Variants in SDSL observed in about 807,000 individuals in gnomAD.
SDSL encodes the protein serine dehydratase-like.
SDSL carries 26 observed loss-of-function variants against 27.6 expected under a neutral mutation model. The ratio of observed to expected loss-of-function variants is 0.94; its 90% CI spans 0.69 to 1.31. The LOEUF is 1.31. SDSL is among the 50% of genes most tolerant of loss of function. The pLI is 0.00. For missense variants in SDSL, 431 were observed against 423.5 expected, an observed-to-expected ratio of 1.02 and a Z score of -0.16; for synonymous variants, 196 against 180.6, an observed-to-expected ratio of 1.09 and a Z score of -0.69.
intron 2 of SDSL, 43 bp from the exon 3 acceptor site, chr12:113,428,377 A>C: frequency 6.3e-7 from 1 of 1,592,774 alleles, no homozygotes; most frequent in Non-Finnish European, 8.5e-7. Context: ...CCTTCATGAC[A>C]CCTGCTTGGG....
rs1469594669 is a variant in SDSL at position 113,426,913 on chromosome 12, T to C, written c.-21-1049T>C. Among the ~76,000 whole-genome samples, 3 of 152,090 alleles carry C rather than the reference T, an allele frequency of 2.0e-5. No individual in the cohort carries two copies. The East Asian group carries it at 5.8e-4, about 29-fold the overall frequency. On this transcript the variant is annotated intron_variant, in intron 1 of 7. Transcript: ENST00000403593. ...GTGATTACAGTACTGCACTCCAGCC[T>C]GGGTGACAGAGTGAGACTCTGTCTC...
chr12:113,437,606 TTGATGGATGGGTACAC>T (rs1297187462), intron 7 of SDSL, among the ~76,000 whole-genome samples: 1 of 152,028 alleles, frequency 6.6e-6, no homozygotes, highest in African/African-American at 2.4e-5. Context: ...GATGGATATG[TTGATGGATGGGTACAC>T]TGATGGATGG....
In SDSL at chr12:113,428,082, GTCTT is replaced by G; in HGVS notation, c.101_104del (p.Val34AlafsTer81). The G allele has an allele frequency of 6.2e-7, 1 of 1,614,000 alleles. No homozygotes were observed. The highest frequency in any genetic ancestry group is 8.5e-7 in the Non-Finnish European group (1 of 1,179,968). ...GCTGTCCCAGGTGGCGGGCATGCCT[GTCTT>G]CCTCAAGTGTGAGAATGTGCAGCCC... On this transcript the variant is annotated frameshift_variant, in exon 2 of 8. Transcript: ENST00000403593. LOFTEE classifies it high-confidence loss of function.
rs538785915 is a variant in SDSL, at chr12:113,435,361, A to G, written c.476A>G (p.Lys159Arg). ...CACGCCAGCCTGGTGCAGGAGCTGA[A>G]AGCAGTGCTGAGGACCCCACCAGGT... ...KGHASLVQEL[K>R]AVLRTPPGAL... The change falls in exon 6 of 8, where the codon AAA (lysine) becomes AGA (arginine). Residue 159 changes from lysine (K) to arginine (R), a missense_variant. Transcript: ENST00000403593. The G allele has an allele frequency of 6.3e-7, 1 of 1,579,194 alleles. No individual in the cohort carries two copies. The highest frequency in any genetic ancestry group is 1.3e-5 in the African/African-American group (1 of 74,288).
intron 5 of SDSL, 71 bp downstream of exon 5, chr12:113,434,293 G>A: frequency 1.6e-6 from 2 of 1,215,842 alleles, no homozygotes; most frequent in East Asian, 2.4e-5. Context: ...TCCTCCCATT[G>A]GGCAGAAGGA....
intron 4 of SDSL, among the ~76,000 whole-genome samples, chr12:113,430,295 A>G (rs960305678): frequency 1.3e-5 from 2 of 152,222 alleles, no homozygotes; most frequent in African/African-American, 4.8e-5. Flanking sequence ...TGATGGTAAC[A>G]AAGTGTGAAA....
intron 4 of SDSL, among the ~76,000 whole-genome samples, chr12:113,429,770 T>C (rs1957897268): frequency 6.6e-6 from 1 of 152,090 alleles, no homozygotes; most frequent in African/African-American, 2.4e-5. Context: ...TGTCTTTCCT[T>C]CTGTGAAGAA....
chr12:113,435,956 TA>T (rs1333198549), intron 6 of SDSL, among the ~76,000 whole-genome samples: 1 of 151,992 alleles, frequency 6.6e-6, no homozygotes, highest in Non-Finnish European at 1.5e-5. Context: ...CTGTCTCTAC[TA>T]AAAAAATACA....
chr12:113,428,218 G>A (rs1957874932), intron 2 of SDSL, 62 bp downstream of exon 2: 1 of 1,501,826 alleles, frequency 6.7e-7, no homozygotes, highest in South Asian at 1.2e-5. Flanking sequence ...AAGAGTGAGG[G>A]GTGTGGGCTG....
chr12:113,423,465 C>T (rs1957814230), intron 1 of SDSL, among the ~76,000 whole-genome samples: 1 of 152,006 alleles, frequency 6.6e-6, no homozygotes, highest in South Asian at 2.1e-4. Flanking sequence ...CTGTTGTGAG[C>T]CAACAGGTGG....
rs758520113 is a variant in SDSL at position 113,429,207 on chromosome 12, AT to A, written c.264del (p.Pro89LeufsTer27). The A allele has an allele frequency of 1.2e-6, 2 of 1,613,882 alleles. No individual in the cohort carries two copies. The highest frequency in any genetic ancestry group is 1.7e-6 in the Non-Finnish European group (2 of 1,179,890). On this transcript the variant is annotated frameshift_variant, in exon 4 of 8. Coordinates refer to ENST00000403593, the MANE Select transcript of SDSL (RefSeq NM_001304993.2). LOFTEE classifies it high-confidence loss of function. The part of the protein sequence containing the change: ...AAAYAARKLG[I>X]PATIVLPEST... Reference sequence around the variant, plus strand: ...TGCCTATGCTGCTAGGAAGCTGGGCATTCCTGCCACCATCGTGCTCCCCGAG... The same window carrying A: ...TGCCTATGCTGCTAGGAAGCTGGGCATCCTGCCACCATCGTGCTCCCCGAG...
intron 6 of SDSL, among the ~76,000 whole-genome samples, chr12:113,435,848 G>A (rs1957984613): frequency 6.6e-6 from 1 of 152,210 alleles, no homozygotes; most frequent in African/African-American, 2.4e-5. Context: ...CAGGCACCAT[G>A]GCTCATGCTT....
intron 1 of SDSL, chr12:113,422,874 C>T (rs1957808107): frequency 6.6e-6 from 1 of 152,292 alleles, no homozygotes; most frequent in Non-Finnish European, 1.5e-5. Flanking sequence ...TACCTCAACT[C>T]ATAGATGTGA....
chr12:113,436,387 C>T (rs1957993564), intron 6 of SDSL, among the ~76,000 whole-genome samples: 1 of 151,814 alleles, frequency 6.6e-6, no homozygotes, highest in South Asian at 2.1e-4. Context: ...CTGCTGGGTT[C>T]AAGTGATTCT....
At position 113,432,395 on chromosome 12, in the gene SDSL, G is replaced by A. The variant is rs1043761403; in HGVS notation, c.355-1739G>A. Among the ~76,000 whole-genome samples, 10 of 151,538 alleles carry A rather than the reference G, an allele frequency of 6.6e-5. No homozygotes were observed. In the East Asian group the frequency reaches 7.9e-4, roughly 12 times the overall value. On this transcript the variant is annotated intron_variant, in intron 4 of 7. Transcript: ENST00000403593. ...TCTTGCTCTGTTGCCAAGCTGGAGCGCAGTGGCGCCATCTTGGCTCACTGC... is the reference window on the plus strand; with the variant it reads ...TCTTGCTCTGTTGCCAAGCTGGAGCACAGTGGCGCCATCTTGGCTCACTGC...
At chr12:113,423,294 G>A (rs1593306700) in intron 1 of SDSL, among the ~76,000 whole-genome samples, 1 of 152,246 alleles carries the variant, frequency 6.6e-6, no homozygotes, top group East Asian at 1.9e-4. Flanking sequence ...ATTAGAGAAA[G>A]TATAGCATCG....
chr12:113,437,752 G>T, intron 7 of SDSL, 134 bp from the exon 8 acceptor site: 1 of 778,952 alleles, frequency 1.3e-6, no homozygotes, highest in Non-Finnish European at 2.1e-6. Context: ...ACAAGTGATG[G>T]ATTGCCAGCA....
rs185570877 is a variant in SDSL, at chr12:113,424,313, C to T, written c.-22+1836C>T. 3.8e-3 allele frequency among the ~76,000 whole-genome samples: 582 copies of T among 152,300 alleles called. 5 individuals are homozygous for T. The highest frequency in any genetic ancestry group is 0.013 in the African/African-American group (545 of 41,564). ...CTGGGATTACAGGCATGAGCCACCG[C>T]GCCCTGTCTCAGTTCTTAGTTTTAA... On this transcript the variant is annotated intron_variant, in intron 1 of 7. Transcript: ENST00000403593.
chr12:113,435,646 G>A, intron 6 of SDSL, 90 bp downstream of exon 6: 1 of 1,090,282 alleles, frequency 9.2e-7, no homozygotes, highest in Non-Finnish European at 1.3e-6. Flanking sequence ...GGAGACGGGG[G>A]CACCCAAAAG....
Sources: allele counts gnomAD v4.1 joint callset (sites outside exome capture counted in the v4.1 genomes callset), GRCh38; gene constraint gnomAD v4.1.1; transcripts MANE v1.5; gene names NCBI Gene and HGNC (gene_info 2026-07-23, HGNC 2026-07-21).